The following ADAMTS2 variants were observed in gnomAD, a reference collection of about 807,000 sequenced individuals.
ADAMTS2 encodes the protein A disintegrin and metalloproteinase with thrombospondin motifs 2.
ADAMTS2 carries 50 observed loss-of-function variants against 123.0 expected under a neutral mutation model. The observed-to-expected ratio is 0.41, with a 90% confidence interval of 0.32 to 0.51. The LOEUF (loss-of-function observed/expected upper bound fraction) is 0.51. Among genes scored for constraint, ADAMTS2 ranks in the 20% least tolerant of loss-of-function variants. The probability of loss-of-function intolerance (pLI) is 0.35; values close to 1 mark genes in which losing one functional copy is unlikely to be tolerated. For missense variants in ADAMTS2, 1,494 were observed against 1,705.2 expected (o/e 0.88, Z 2.18); for synonymous variants, 678 against 695.4 (o/e 0.98, Z 0.39).
chr5:179,340,651 A>C (rs779499722), intron 2 of ADAMTS2, among the ~76,000 whole-genome samples: 2 of 152,160 alleles, frequency 1.3e-5, no homozygotes, highest in African/African-American at 2.4e-5. Flanking sequence ...TTGGAGCCTC[A>C]GTTTATTCAT....
intron 10 of ADAMTS2, among the ~76,000 whole-genome samples, chr5:179,140,550 A>G (rs1231428316): frequency 6.6e-6 from 1 of 152,246 alleles, no homozygotes; most frequent in Non-Finnish European, 1.5e-5. Flanking sequence ...CCACATCTTA[A>G]TCTGATCACA....
intron 3 of ADAMTS2, among the ~76,000 whole-genome samples, chr5:179,253,253 T>C (rs1765967618): frequency 6.6e-6 from 1 of 152,252 alleles, no homozygotes; most frequent in Non-Finnish European, 1.5e-5. Context: ...ACCTGGATTA[T>C]TGATAAATCT....
At chr5:179,329,619 G>A (rs948118255) in intron 2 of ADAMTS2, among the ~76,000 whole-genome samples, 6 of 152,188 alleles carry the variant, frequency 3.9e-5, no homozygotes, top group Non-Finnish European at 8.8e-5. Context: ...TTGAAAGGCT[G>A]ATACTTTTCT....
At chr5:179,319,608 C>T (rs1469983535) in intron 2 of ADAMTS2, among the ~76,000 whole-genome samples, 2 of 152,032 alleles carry the variant, frequency 1.3e-5, no homozygotes, top group Non-Finnish European at 2.9e-5. Context: ...CCAGTTCCTG[C>T]CACTACCTGA....
chr5:179,181,579 G>A lies in ADAMTS2; in HGVS notation c.892-424C>T, dbSNP rs372519447. On this transcript the variant is annotated intron_variant, in intron 4 of 21. Transcript: ENST00000251582. The surrounding 1 kb of genome is among the most constrained non-coding windows in gnomAD (Gnocchi z 4.1). Reference sequence around the variant, plus strand: ...GAAGTCACTCCAAGCTATAGCTGGTGGGTGTGGGGATTACCTACCTGCATC... The same window carrying A: ...GAAGTCACTCCAAGCTATAGCTGGTAGGTGTGGGGATTACCTACCTGCATC... 6.6e-6 allele frequency among the ~76,000 whole-genome samples: 1 copy of A among 152,136 alleles called. No homozygotes were observed. Among genetic ancestry groups the A allele is most frequent in the Admixed American group, 6.5e-5 (1 of 15,274 alleles).
intron 3 of ADAMTS2, among the ~76,000 whole-genome samples, chr5:179,271,459 C>T (rs768015254): frequency 6.6e-6 from 1 of 152,244 alleles, no homozygotes; most frequent in Non-Finnish European, 1.5e-5. Flanking sequence ...GCTTGCCCGA[C>T]AGCAGCTAGC....
intron 3 of ADAMTS2, among the ~76,000 whole-genome samples, chr5:179,270,678 C>T (rs1581234633): frequency 6.6e-6 from 1 of 152,202 alleles, no homozygotes; most frequent in African/African-American, 2.4e-5. Context: ...AGCTGGACGC[C>T]TGAGGTCACC....
intron 2 of ADAMTS2, among the ~76,000 whole-genome samples, chr5:179,310,646 T>A (rs887877563): frequency 6.6e-6 from 1 of 152,174 alleles, no homozygotes; most frequent in Non-Finnish European, 1.5e-5. Flanking sequence ...TTGTTAGAGA[T>A]GCTGAATCCA....
intron 4 of ADAMTS2, among the ~76,000 whole-genome samples, chr5:179,199,649 G>A (rs1339346586): frequency 6.6e-6 from 1 of 152,156 alleles, no homozygotes; most frequent in Non-Finnish European, 1.5e-5. Flanking sequence ...CACTCTGCTA[G>A]GACCCCGTAC....
In ADAMTS2 at chr5:179,263,836, C is replaced by T. The variant is rs189671399; in HGVS notation, c.688+9075G>A. Among the ~76,000 whole-genome samples, 217 of 152,368 alleles carry T rather than the reference C, an allele frequency of 1.4e-3. 2 individuals carry two copies. The highest frequency in any genetic ancestry group is 0.014 in the Admixed American group (209 of 15,310). ...CCCATCTGACTGCGCGACCTTTCCC[C>T]GCTCAGAGCTCCTTCAGGGCCCAGA... On this transcript the variant is annotated intron_variant, in intron 3 of 21. Coordinates refer to ENST00000251582, the MANE Select transcript of ADAMTS2 (RefSeq NM_014244.5).
chr5:179,121,791 G>C lies in ADAMTS2; in HGVS notation c.3089-41C>G, dbSNP rs1433584224. On this transcript the variant is annotated intron_variant, in intron 20 of 21. Transcript: ENST00000251582. ...AGGGGCTGCGGCCGCAGGGCACCAG[G>C]CTGGGGCCCCCACCCCAGGCAGAGA... 4 of 1,423,696 alleles carry C rather than the reference G, an allele frequency of 2.8e-6. No individual in the cohort carries two copies. In the African/African-American group the frequency reaches 4.4e-5, roughly 16 times the overall value. 88.2% of individuals were successfully genotyped at this position (1,423,696 alleles called of 1,614,324 possible). A position where few individuals can be genotyped will look rare whatever the true frequency, so the allele number is the denominator to read the frequency against.
chr5:179,235,536 T>G (rs1765503579), intron 3 of ADAMTS2, among the ~76,000 whole-genome samples: 2 of 152,200 alleles, frequency 1.3e-5, no homozygotes, highest in Admixed American at 1.3e-4. Flanking sequence ...CTGGCCCCTT[T>G]GTCTCAGGTC....
At chr5:179,210,074 C>A (rs758593124) in intron 3 of ADAMTS2, among the ~76,000 whole-genome samples, 4 of 152,228 alleles carry the variant, frequency 2.6e-5, no homozygotes, top group Non-Finnish European at 5.9e-5. Context: ...TCTAGAACAT[C>A]CAGCTTCTCT....
chr5:179,187,310 C>T (rs1408574159), intron 4 of ADAMTS2, among the ~76,000 whole-genome samples: 1 of 152,218 alleles, frequency 6.6e-6, no homozygotes, highest in Non-Finnish European at 1.5e-5. Flanking sequence ...AGGGTCTGGC[C>T]CTGCTGAGTC....
intron 10 of ADAMTS2, among the ~76,000 whole-genome samples, chr5:179,143,452 A>T (rs1324500679): frequency 6.6e-6 from 1 of 151,670 alleles, no homozygotes; most frequent in Non-Finnish European, 1.5e-5. Flanking sequence ...AAAAAAGAAG[A>T]ACTAAATAGA....
At chr5:179,270,191 T>A (rs1009946627) in intron 3 of ADAMTS2, among the ~76,000 whole-genome samples, 1 of 152,112 alleles carries the variant, frequency 6.6e-6, no homozygotes, top group Admixed American at 6.6e-5. Flanking sequence ...AATGATTCCC[T>A]GAGGCTCCAT....
At chr5:179,214,772 C>T (rs1246639603) in intron 3 of ADAMTS2, among the ~76,000 whole-genome samples, 5 of 152,186 alleles carry the variant, frequency 3.3e-5, no homozygotes, top group Non-Finnish European at 2.9e-5. Flanking sequence ...GAAGTTGGTC[C>T]TCCTCCAAAT....
At chr5:179,190,910 G>C (rs574170883) in intron 4 of ADAMTS2, among the ~76,000 whole-genome samples, 1 of 152,396 alleles carries the variant, frequency 6.6e-6, no homozygotes, top group South Asian at 2.1e-4. Context: ...GTTTTCCAGA[G>C]CTGGAGGGGC....
chr5:179,132,834 C>T lies in ADAMTS2; in HGVS notation c.2152G>A (p.Asp718Asn), dbSNP rs1350222335. 6.2e-7 allele frequency: 1 copy of T among 1,614,104 alleles called. No individual in the cohort carries two copies. The highest frequency in any genetic ancestry group is 1.7e-5 in the Admixed American group (1 of 60,016). ...TTGACCACTTTGCAGTGGCTGTTGT[C>T]CCCTCCGCACACGCCACACTTGTCT... ...QEDKCGVCGG[D>N]NSHCKVVKGT... is the part of the protein sequence containing the mutation. The change falls in exon 14 of 22, where the codon GAC becomes AAC. Residue 718 changes from aspartate to asparagine, a missense_variant. This residue lies in a region of ADAMTS2 where 953 missense variants were observed against 1,124.7 expected (regional missense o/e 0.85). Transcript: ENST00000251582. This position sits in a 1 kb window ranked among gnomAD's most constrained non-coding sequence, Gnocchi z 6.1.
Sources: allele counts gnomAD v4.1 joint callset (sites outside exome capture counted in the v4.1 genomes callset), GRCh38; gene constraint gnomAD v4.1.1; regional missense constraint gnomAD v4.1.1; non-coding constraint Gnocchi (gnomAD v3.1); transcripts MANE v1.5; gene names NCBI Gene and HGNC (gene_info 2026-07-23, HGNC 2026-07-21).